Variants in CDH18 observed in about 807,000 individuals in gnomAD.
The protein encoded by CDH18 is cadherin-18.
CDH18 carries 31 observed loss-of-function variants against 67.9 expected under a neutral mutation model. That is an observed-to-expected ratio of 0.46 (90% CI 0.34 to 0.62). The LOEUF (loss-of-function observed/expected upper bound fraction) is 0.62. CDH18 is among the 20% of genes least tolerant of loss of function. The pLI is 0.01. For missense variants in CDH18, 890 were observed against 975.5 expected (o/e 0.91, Z 1.17); for synonymous variants, 362 against 347.2 (o/e 1.04, Z -0.48).
At chr5:19,744,539 CAT>C (rs1769712386) in intron 4 of CDH18, among the ~76,000 whole-genome samples, 1 of 150,728 alleles carries the variant, frequency 6.6e-6, no homozygotes, top group African/African-American at 2.5e-5. Context: ...CACACACACA[CAT>C]CTATTCCAGA....
chr5:20,183,417 T>G (rs993776185), intron 2 of CDH18, among the ~76,000 whole-genome samples: 3 of 152,036 alleles, frequency 2.0e-5, no homozygotes, highest in African/African-American at 7.2e-5. Context: ...TAATAAAATT[T>G]TAATAAATTA....
chr5:19,947,448 T>C (rs1384620112), intron 2 of CDH18, among the ~76,000 whole-genome samples: 1 of 151,712 alleles, frequency 6.6e-6, no homozygotes, highest in Non-Finnish European at 1.5e-5. Flanking sequence ...CTTGACTCTT[T>C]TGAAAATACA....
At chr5:20,010,795 G>T (rs1737371759) in intron 2 of CDH18, among the ~76,000 whole-genome samples, 1 of 151,980 alleles carries the variant, frequency 6.6e-6, no homozygotes, top group Admixed American at 6.6e-5. Context: ...TTTTTACTGA[G>T]TACTCAAATT....
At chr5:19,848,609 C>A (rs752423248) in intron 2 of CDH18, among the ~76,000 whole-genome samples, 1 of 151,822 alleles carries the variant, frequency 6.6e-6, no homozygotes, top group African/African-American at 2.4e-5. Context: ...GAAGACACTG[C>A]AGTGGGTTGA....
At chr5:20,475,962 G>A (rs986520308) in intron 1 of CDH18, among the ~76,000 whole-genome samples, 2 of 152,140 alleles carry the variant, frequency 1.3e-5, no homozygotes, top group African/African-American at 4.8e-5. Context: ...ATAGTTTCAG[G>A]AGTCTGAAAA....
At chr5:19,737,976 T>C (rs2150679837) in intron 4 of CDH18, among the ~76,000 whole-genome samples, 1 of 152,272 alleles carries the variant, frequency 6.6e-6, no homozygotes, top group Non-Finnish European at 1.5e-5. Flanking sequence ...CCAGTCAATT[T>C]ATGTAATGAA....
intron 4 of CDH18, among the ~76,000 whole-genome samples, chr5:19,746,184 T>C (rs554295976): frequency 2.6e-4 from 40 of 152,202 alleles, no homozygotes; most frequent in Middle Eastern, 3.4e-3. Flanking sequence ...TAAATTCAAA[T>C]AGCTACACCA....
chr5:19,681,173 A>G (rs929245975), intron 5 of CDH18, among the ~76,000 whole-genome samples: 1 of 152,006 alleles, frequency 6.6e-6, no homozygotes, highest in African/African-American at 2.4e-5. Flanking sequence ...AGAAAACCAA[A>G]TACTGCATTT....
Position 20,426,637 on chromosome 5 carries a change from G to C in CDH18, c.-580+148825C>G, listed in dbSNP as rs1027242405. ...GTCATCCTGAAGGGTAAATTAGCCC[G>C]TCAGAGTCCTAGGCACATTCATAGG... On this transcript the variant is annotated intron_variant, in intron 1 of 14. Transcript: ENST00000507958. Among the ~76,000 whole-genome samples the C allele has an allele frequency of 2.0e-5, 3 of 150,930 alleles. No homozygotes were observed. The East Asian group carries it at 5.8e-4, about 29-fold the overall frequency.
intron 2 of CDH18, among the ~76,000 whole-genome samples, chr5:20,221,345 T>C (rs1741207245): frequency 6.6e-6 from 1 of 152,160 alleles, no homozygotes; most frequent in East Asian, 1.9e-4. Flanking sequence ...TTATGTTAAG[T>C]GAAATAAGCC....
rs1048705364 is a variant in CDH18, at chr5:19,996,507, T to G, written c.-517-4493A>C. On this transcript the variant is annotated intron_variant, in intron 2 of 14. Transcript: ENST00000507958. The stretch of plus-strand genomic sequence containing the variant: ...AACTACTAAGTAAAATATATGAATA[T>G]TTCTTGAAACTCATGATTACTTTAC... 7.2e-5 allele frequency among the ~76,000 whole-genome samples: 11 copies of G among 152,040 alleles called. 1 individual carries two copies. Among genetic ancestry groups the G allele is most frequent in the Non-Finnish European group, 1.3e-4 (9 of 67,910 alleles).
chr5:19,646,790 G>A (rs1754812127), intron 5 of CDH18, among the ~76,000 whole-genome samples: 1 of 152,048 alleles, frequency 6.6e-6, no homozygotes, highest in African/African-American at 2.4e-5. Context: ...GCTAATACAG[G>A]GGATGGATTT....
chr5:19,922,798 A>G (rs962635960), intron 2 of CDH18, among the ~76,000 whole-genome samples: 5 of 152,202 alleles, frequency 3.3e-5, no homozygotes, highest in Non-Finnish European at 7.3e-5. Flanking sequence ...GAATAAAAGA[A>G]TTGAACAAGA....
intron 11 of CDH18, among the ~76,000 whole-genome samples, chr5:19,490,063 T>C (rs1213395195): frequency 6.6e-6 from 1 of 152,010 alleles, no homozygotes; most frequent in Non-Finnish European, 1.5e-5. Flanking sequence ...TTATAAACAG[T>C]ATTTTTTTAG....
chr5:20,440,089 C>T (rs1749498900), intron 1 of CDH18, among the ~76,000 whole-genome samples: 1 of 151,588 alleles, frequency 6.6e-6, no homozygotes, highest in Admixed American at 6.6e-5. Context: ...GTAAATCATC[C>T]ATATGCAAGT....
At chr5:19,905,005 G>A (rs1458544496) in intron 2 of CDH18, among the ~76,000 whole-genome samples, 1 of 152,094 alleles carries the variant, frequency 6.6e-6, no homozygotes, top group Non-Finnish European at 1.5e-5. Context: ...ATGGTTTCTT[G>A]CTGAGAGATG....
At chr5:20,216,784 C>T (rs1580501817) in intron 2 of CDH18, among the ~76,000 whole-genome samples, 1 of 151,986 alleles carries the variant, frequency 6.6e-6, no homozygotes, top group East Asian at 1.9e-4. Flanking sequence ...AACTGTAGAA[C>T]AATGAGATTT....
intron 2 of CDH18, among the ~76,000 whole-genome samples, chr5:19,884,311 C>T (rs1310852966): frequency 1.3e-5 from 2 of 151,974 alleles, no homozygotes; most frequent in Non-Finnish European, 2.9e-5. Context: ...CTGAGGTAAA[C>T]TTAAGACCTA....
At chr5:19,735,032 G>C (rs928467755) in intron 4 of CDH18, among the ~76,000 whole-genome samples, 1 of 152,182 alleles carries the variant, frequency 6.6e-6, no homozygotes, top group Non-Finnish European at 1.5e-5. Context: ...GGCAAATGCT[G>C]CTGAGTCACT....
Sources: allele counts gnomAD v4.1 joint callset (sites outside exome capture counted in the v4.1 genomes callset), GRCh38; gene constraint gnomAD v4.1.1; transcripts MANE v1.5; gene names NCBI Gene and HGNC (gene_info 2026-07-23, HGNC 2026-07-21).